The following TENM3 variants were observed in gnomAD, a reference collection of about 807,000 sequenced individuals.
TENM3 encodes teneurin transmembrane protein 3, also known as teneurin-3.
Under a neutral mutation model 255.1 loss-of-function variants are expected in TENM3, and 63 were observed. The ratio of observed to expected loss-of-function variants is 0.25; its 90% CI spans 0.20 to 0.30. The LOEUF is 0.30. TENM3 is among the 10% of genes least tolerant of loss of function. The probability of loss-of-function intolerance (pLI) is 1.00; values close to 1 mark genes in which losing one functional copy is unlikely to be tolerated. For synonymous variants in TENM3, 1,306 were observed against 1,322.3 expected, an observed-to-expected ratio of 0.99 and a Z score of 0.27; for missense variants, 2,929 against 3,461.1, an observed-to-expected ratio of 0.85 and a Z score of 3.86.
chr4:181,711,146 A>T, the TENM3 span, among the ~76,000 whole-genome samples: 1 of 152,208 alleles, frequency 6.6e-6, no homozygotes, highest in Non-Finnish European at 1.5e-5. Context: ...TTTGTATTCT[A>T]GCTGATCAAA....
intron 6 of TENM3, among the ~76,000 whole-genome samples, chr4:182,669,336 C>A (rs983071482): frequency 1.3e-5 from 2 of 152,068 alleles, no homozygotes; most frequent in African/African-American, 2.4e-5. Context: ...GTGGCGCGAT[C>A]TCGGCTCACT....
At chr4:181,475,113 C>T in the TENM3 span, among the ~76,000 whole-genome samples, 2 of 152,344 alleles carry the variant, frequency 1.3e-5, no homozygotes, top group African/African-American at 4.8e-5. Context: ...CTAATCTACT[C>T]TCTTGTTTCA....
At chr4:182,651,033 A>C (rs941356526) in intron 5 of TENM3, among the ~76,000 whole-genome samples, 27 of 152,000 alleles carry the variant, frequency 1.8e-4, no homozygotes, top group African/African-American at 6.5e-4. Flanking sequence ...GATTATGTCT[A>C]CTCTTCAAAA....
Position 182,681,824 on chromosome 4 carries a change from A to G in TENM3, c.1845A>G (p.Ile615Met). 1 of 1,613,110 alleles carries G rather than the reference A, an allele frequency of 6.2e-7. No individual in the cohort carries two copies. The highest frequency in any genetic ancestry group is 8.5e-7 in the Non-Finnish European group (1 of 1,179,364). ...TTTTCTTTACACCAGCTGACTGTAT[A>G]GACCCTGGGTGTTCTAATCATGGTG... Reference protein sequence around the residue: ...KGESCEEADCIDPGCSNHGVC... With the variant: ...KGESCEEADCMDPGCSNHGVC... The change falls in exon 11 of 28, where the codon ATA (isoleucine) becomes ATG (methionine). Residue 615 changes from isoleucine to methionine, a missense_variant. By Grantham distance (10) the Ile-to-Met change is conservative. Coordinates refer to ENST00000511685, the MANE Select transcript of TENM3 (RefSeq NM_001080477.4).
intron 1 of TENM3, among the ~76,000 whole-genome samples, chr4:182,159,400 G>A (rs1461916101): frequency 1.3e-5 from 2 of 152,062 alleles, no homozygotes; most frequent in Non-Finnish European, 2.9e-5. Context: ...CACACAGGGA[G>A]GTCCTAGTGG....
the TENM3 span, among the ~76,000 whole-genome samples, chr4:181,644,653 G>A: frequency 1.3e-5 from 2 of 152,102 alleles, no homozygotes; most frequent in Non-Finnish European, 2.9e-5. Context: ...TCTGTAATGT[G>A]TAGGCTGATC....
the TENM3 span, among the ~76,000 whole-genome samples, chr4:181,603,615 T>C: frequency 6.6e-6 from 1 of 151,996 alleles, no homozygotes; most frequent in Non-Finnish European, 1.5e-5. Flanking sequence ...TGATATGAAA[T>C]ATAGAAATAA....
the TENM3 span, among the ~76,000 whole-genome samples, chr4:181,897,715 G>A: frequency 2.0e-5 from 3 of 152,168 alleles, no homozygotes; most frequent in Admixed American, 2.0e-4. Flanking sequence ...ACACTGTTGG[G>A]CAAGGACAGT....
the TENM3 span, among the ~76,000 whole-genome samples, chr4:181,884,181 T>C: frequency 1.3e-5 from 2 of 152,214 alleles, no homozygotes; most frequent in Non-Finnish European, 1.5e-5. Context: ...TTTATGTGGC[T>C]ACCCTGGTTA....
intron 1 of TENM3, among the ~76,000 whole-genome samples, chr4:182,167,564 A>T (rs200264929): frequency 4.6e-5 from 7 of 152,190 alleles, no homozygotes; most frequent in East Asian, 3.8e-4. Flanking sequence ...TAAAAAAATT[A>T]AAAAATAACA....
chr4:182,726,944 T>A (rs551166915), intron 13 of TENM3, among the ~76,000 whole-genome samples: 3 of 152,242 alleles, frequency 2.0e-5, no homozygotes, highest in South Asian at 2.1e-4. Flanking sequence ...TAGTATTTTT[T>A]TAAAAAAAGA....
chr4:182,369,953 C>A lies in TENM3; in HGVS notation c.511+23024C>A, dbSNP rs72993303. Among the ~76,000 whole-genome samples, 210 of 152,224 alleles carry A rather than the reference C, an allele frequency of 1.4e-3. 1 individual carries two copies. The highest frequency in any genetic ancestry group is 4.9e-3 in the African/African-American group (203 of 41,542). ...GGCATTTGATGAGAAGATAAGAGAT[C>A]TGGTTTCTTATTCTGGTTCTATCAT... On this transcript the variant is annotated intron_variant, in intron 3 of 27. Coordinates refer to ENST00000511685, the MANE Select transcript of TENM3 (RefSeq NM_001080477.4).
the TENM3 span, among the ~76,000 whole-genome samples, chr4:181,670,346 G>T: frequency 1.3e-5 from 2 of 152,092 alleles, no homozygotes; most frequent in African/African-American, 4.8e-5. Context: ...TTCTTCTCTG[G>T]TAATTCTAGG....
chr4:181,961,664 C>G, the TENM3 span, among the ~76,000 whole-genome samples: 1 of 152,118 alleles, frequency 6.6e-6, no homozygotes, highest in Admixed American at 6.5e-5. Context: ...CGTGATCCAC[C>G]CACCTTGGCC....
chr4:181,525,882 G>A, the TENM3 span, among the ~76,000 whole-genome samples: 3 of 152,200 alleles, frequency 2.0e-5, no homozygotes, highest in African/African-American at 7.2e-5. Context: ...ATTAAGTGGT[G>A]TGGTGCTCCA....
chr4:182,682,084 T>C (rs1756223972), intron 11 of TENM3, 70 bp downstream of exon 11: 1 of 1,280,388 alleles, frequency 7.8e-7, no homozygotes, highest in African/African-American at 1.5e-5. Context: ...TTTTAATCTT[T>C]AAACCTCCCT....
intron 3 of TENM3, among the ~76,000 whole-genome samples, chr4:182,450,346 C>T (rs1773347352): frequency 6.6e-6 from 1 of 152,112 alleles, no homozygotes; most frequent in South Asian, 2.1e-4. Flanking sequence ...GCCTCCCTCT[C>T]AGCCGAATAT....
In TENM3 at chr4:182,730,862, C is replaced by T. The variant is rs1194931384; in HGVS notation, c.2706-16C>T. On this transcript the variant is annotated splice_polypyrimidine_tract_variant and intron_variant, in intron 15 of 27. Transcript: ENST00000511685. ...GGATCCAGACAATTCACTAAGCATACCTTGTTCTTTCTTAGGTTTGACTTG... is the reference window on the plus strand; with the variant it reads ...GGATCCAGACAATTCACTAAGCATATCTTGTTCTTTCTTAGGTTTGACTTG... The T allele has an allele frequency of 2.5e-6, 4 of 1,612,858 alleles. No homozygotes were observed. Among genetic ancestry groups the T allele is most frequent in the Admixed American group, 3.3e-5 (2 of 59,962 alleles).
chr4:182,473,236 A>T (rs1036143417), intron 3 of TENM3, among the ~76,000 whole-genome samples: 1 of 152,192 alleles, frequency 6.6e-6, no homozygotes, highest in African/African-American at 2.4e-5. Flanking sequence ...GAAAATGTCT[A>T]TGGCTTCAAG....
Sources: gnomAD v4.1 joint callset for allele counts (sites outside exome capture counted in the v4.1 genomes callset) on GRCh38, gnomAD v4.1.1 for gene constraint, MANE v1.5 for transcripts, NCBI Gene and HGNC (gene_info 2026-07-23, HGNC 2026-07-21) for gene names.